MREG: variants seen among roughly 807,000 people sequenced by gnomAD.
MREG encodes the protein melanoregulin, also known as dilute suppressor protein homolog.
A neutral mutation model predicts 28.5 loss-of-function variants in MREG; 31 were observed. That is an observed-to-expected ratio of 1.09 (90% CI 0.82 to 1.47). The LOEUF is 1.47. MREG is among the 40% of genes most tolerant of loss of function. The probability of loss-of-function intolerance (pLI) is 0.00; values close to 1 mark genes in which losing one functional copy is unlikely to be tolerated. For synonymous variants in MREG, 106 were observed against 95.2 expected (o/e 1.11, Z -0.66); for missense variants, 256 against 257.4 (o/e 0.99, Z 0.04).
chr2:215,969,256 C>T (rs1693024003), intron 2 of MREG, among the ~76,000 whole-genome samples: 2 of 152,070 alleles, frequency 1.3e-5, no homozygotes, highest in Admixed American at 1.3e-4. Context: ...TATTAGTTTC[C>T]TGGTGGATTT....
At chr2:215,946,339 G>A (rs768797383) in intron 3 of MREG, among the ~76,000 whole-genome samples, 9 of 150,998 alleles carry the variant, frequency 6.0e-5, no homozygotes, top group Middle Eastern at 3.4e-3. Flanking sequence ...CATAGAGATC[G>A]GTCACATGGC....
intron 1 of MREG, among the ~76,000 whole-genome samples, chr2:216,009,779 G>A (rs933187133): frequency 1.3e-5 from 2 of 151,946 alleles, no homozygotes; most frequent in Non-Finnish European, 2.9e-5. Context: ...CAGGTGATTC[G>A]CCTGCCTCGG....
intron 2 of MREG, among the ~76,000 whole-genome samples, chr2:215,982,635 G>A (rs1330149333): frequency 1.3e-5 from 2 of 152,142 alleles, no homozygotes; most frequent in African/African-American, 2.4e-5. Context: ...CTCGAGGCAG[G>A]AAGCCAATAA....
intron 1 of MREG, among the ~76,000 whole-genome samples, chr2:216,024,008 C>T (rs925427814): frequency 3.9e-5 from 6 of 152,054 alleles, no homozygotes; most frequent in African/African-American, 1.2e-4. Context: ...AAATATTTTG[C>T]TTGACCAAAG....
At chr2:215,994,623 A>G (rs1231566530) in intron 2 of MREG, among the ~76,000 whole-genome samples, 2 of 131,570 alleles carry the variant, frequency 1.5e-5, no homozygotes, top group Admixed American at 1.6e-4. Context: ...AGAAGAAGAG[A>G]AGAAGGAGGG....
chr2:216,003,197 A>C (rs1194323965), intron 1 of MREG, among the ~76,000 whole-genome samples: 1 of 151,576 alleles, frequency 6.6e-6, no homozygotes, highest in South Asian at 2.1e-4. Context: ...CGCCACCTAC[A>C]CTCATGACCT....
chr2:215,981,655 T>C (rs535155014), intron 2 of MREG, among the ~76,000 whole-genome samples: 3 of 152,294 alleles, frequency 2.0e-5, no homozygotes, highest in South Asian at 2.1e-4. Context: ...ATTTTTGTTA[T>C]ATATATTTTA....
chr2:216,012,886 T>A (rs1035811492), intron 1 of MREG, among the ~76,000 whole-genome samples: 92 of 152,292 alleles, frequency 6.0e-4, no homozygotes, highest in Admixed American at 6.0e-3. Context: ...AATATACCGA[T>A]CAAATACCCA....
chr2:216,017,221 TTAA>T (rs1694462009), upstream of MREG, among the ~76,000 whole-genome samples: 1 of 152,230 alleles, frequency 6.6e-6, no homozygotes, highest in South Asian at 2.1e-4. Flanking sequence ...CTTTTTCTAT[TTAA>T]TAATATGTCT....
At chr2:215,974,714 T>C (rs566111146) in intron 2 of MREG, among the ~76,000 whole-genome samples, 17 of 152,116 alleles carry the variant, frequency 1.1e-4, no homozygotes, top group African/African-American at 2.7e-4. Context: ...CTTAGACCCT[T>C]GGAAAGATAA....
chr2:216,029,343 T>C (rs997327271), intron 1 of MREG, among the ~76,000 whole-genome samples: 2 of 152,098 alleles, frequency 1.3e-5, no homozygotes, highest in African/African-American at 2.4e-5. Flanking sequence ...CTGGGCGTGG[T>C]GGCGCGCTTC....
In MREG at chr2:215,996,438, T is replaced by TC. The variant is rs767838997; in HGVS notation, c.122dup (p.Ala42SerfsTer7). ...TCTCATCATCCCTCACCAGAGTTGC[T>TC]CCAAATGAGGAATATGGATTGTTAT... is the stretch of plus-strand genomic sequence containing the variant. On this transcript the variant is annotated frameshift_variant, in exon 2 of 5. Transcript: ENST00000263268. LOFTEE classifies it high-confidence loss of function. The TC allele has an allele frequency of 6.2e-7, 1 of 1,613,190 alleles. No individual in the cohort carries two copies. The highest frequency in any genetic ancestry group is 8.5e-7 in the Non-Finnish European group (1 of 1,179,498).
rs558796772 is a variant in MREG, at chr2:215,961,395, T to C, written c.256-14282A>G. Among the ~76,000 whole-genome samples the C allele has an allele frequency of 7.9e-5, 12 of 152,116 alleles. No homozygotes were observed. The East Asian group carries it at 2.1e-3, about 27-fold the overall frequency. ...CCATTCAGTGAGATGAGAACTAGCT[T>C]CTAGGTATCAGATTCACATGCAGGC... On this transcript the variant is annotated intron_variant, in intron 2 of 4. Coordinates refer to ENST00000263268, the MANE Select transcript of MREG (RefSeq NM_018000.3).
chr2:216,031,924 C>T (rs757284347), intron 1 of MREG, among the ~76,000 whole-genome samples: 6 of 152,162 alleles, frequency 3.9e-5, no homozygotes, highest in African/African-American at 1.4e-4. Flanking sequence ...TCTACTTCTC[C>T]GTATTTTTGT....
chr2:216,032,970 G>C (rs1007949823), upstream of MREG: 2 of 152,272 alleles, frequency 1.3e-5, no homozygotes, highest in East Asian at 3.9e-4. Flanking sequence ...GCTCAGACGG[G>C]CTGGTGTTCC....
At chr2:215,988,406 G>T (rs1017724400) in intron 2 of MREG, among the ~76,000 whole-genome samples, 1 of 152,212 alleles carries the variant, frequency 6.6e-6, no homozygotes, top group Non-Finnish European at 1.5e-5. Context: ...CTGCAGACCA[G>T]GAGATTCTCT....
At chr2:215,970,642 C>T (rs780907260) in intron 2 of MREG, among the ~76,000 whole-genome samples, 54 of 152,208 alleles carry the variant, frequency 3.5e-4, no homozygotes, top group Non-Finnish European at 6.8e-4. Context: ...GTCTGAGCTT[C>T]ACCCCTGACT....
chr2:215,949,682 T>C (rs1478686709), intron 2 of MREG, among the ~76,000 whole-genome samples: 1 of 152,214 alleles, frequency 6.6e-6, no homozygotes. Flanking sequence ...ATTGCTCTGC[T>C]CTAAGTACTA....
At chr2:215,996,968 A>G (rs1002886696) in intron 1 of MREG, among the ~76,000 whole-genome samples, 1 of 152,150 alleles carries the variant, frequency 6.6e-6, no homozygotes, top group East Asian at 1.9e-4. Flanking sequence ...TTTCATAAAG[A>G]CAGGGTTTTG....
Sources: gnomAD v4.1 joint callset for allele counts (sites outside exome capture counted in the v4.1 genomes callset) on GRCh38, gnomAD v4.1.1 for gene constraint, MANE v1.5 for transcripts, NCBI Gene and HGNC (gene_info 2026-07-23, HGNC 2026-07-21) for gene names.